PLPPR1: variants seen among roughly 807,000 people sequenced by gnomAD.
PLPPR1 encodes phospholipid phosphatase-related protein type 1.
PLPPR1 carries 10 observed loss-of-function variants against 33.1 expected under a neutral mutation model. The observed-to-expected ratio is 0.30, with a 90% CI of 0.19 to 0.51. The LOEUF is 0.51. PLPPR1 is among the 20% of genes least tolerant of loss of function. PLPPR1 has a pLI of 0.97. For missense variants in PLPPR1, 304 were observed against 408.1 expected, an observed-to-expected ratio of 0.74 and a Z score of 2.20; for synonymous variants, 151 against 151.0, an observed-to-expected ratio of 1.00 and a Z score of 0.00.
intron 1 of PLPPR1, among the ~76,000 whole-genome samples, chr9:101,164,461 C>T (rs930096960): frequency 2.6e-5 from 4 of 150,978 alleles, no homozygotes; most frequent in African/African-American, 7.3e-5. Flanking sequence ...CTCCCAGGTT[C>T]GGGTGATTCT....
At chr9:101,209,139 G>C (rs1826639784) in intron 2 of PLPPR1, among the ~76,000 whole-genome samples, 1 of 152,234 alleles carries the variant, frequency 6.6e-6, no homozygotes, top group Non-Finnish European at 1.5e-5. Context: ...GAATCAGAAA[G>C]TCTGTGGGGT....
At chr9:101,236,849 T>C (rs1588087939) in intron 2 of PLPPR1, among the ~76,000 whole-genome samples, 1 of 151,762 alleles carries the variant, frequency 6.6e-6, no homozygotes, top group Non-Finnish European at 1.5e-5. Flanking sequence ...TAGGACTTAA[T>C]TAAACTACAA....
At chr9:101,218,101 A>G (rs1196067612) in intron 2 of PLPPR1, among the ~76,000 whole-genome samples, 2 of 152,230 alleles carry the variant, frequency 1.3e-5, no homozygotes, top group Admixed American at 1.3e-4. Flanking sequence ...TAAATATCAT[A>G]TAACACAAGT....
At chr9:101,114,344 A>T (rs1018210279) in intron 1 of PLPPR1, among the ~76,000 whole-genome samples, 17 of 152,222 alleles carry the variant, frequency 1.1e-4, no homozygotes, top group Non-Finnish European at 1.5e-4. Flanking sequence ...TAAATGGTGT[A>T]TCAGGCAGGA....
chr9:101,278,996 A>G (rs1028476041), intron 3 of PLPPR1, among the ~76,000 whole-genome samples: 4 of 152,246 alleles, frequency 2.6e-5, no homozygotes, highest in Admixed American at 6.5e-5. Context: ...ACCTACTTCT[A>G]CAAATGTGTA....
intron 2 of PLPPR1, among the ~76,000 whole-genome samples, chr9:101,255,361 G>A (rs1179913314): frequency 6.6e-6 from 1 of 151,988 alleles, no homozygotes; most frequent in East Asian, 1.9e-4. Context: ...GGACACTATT[G>A]GATTGTTCCC....
intron 4 of PLPPR1, among the ~76,000 whole-genome samples, chr9:101,296,687 G>A (rs370207199): frequency 5.3e-5 from 8 of 152,014 alleles, no homozygotes; most frequent in African/African-American, 1.4e-4. Context: ...TCAGTAAACT[G>A]TCGCAAGAAC....
At chr9:101,238,407 G>T (rs1827378006) in intron 2 of PLPPR1, among the ~76,000 whole-genome samples, 1 of 147,422 alleles carries the variant, frequency 6.8e-6, no homozygotes, top group African/African-American at 2.5e-5. Flanking sequence ...AATTGTGTGT[G>T]TGTGTATATA....
chr9:101,101,422 G>C (rs1045287659), intron 1 of PLPPR1, among the ~76,000 whole-genome samples: 1 of 151,614 alleles, frequency 6.6e-6, no homozygotes, highest in Non-Finnish European at 1.5e-5. Flanking sequence ...CTTTGTTACT[G>C]TATGTCACCT....
At chr9:101,218,015 C>T (rs1423116960) in intron 2 of PLPPR1, among the ~76,000 whole-genome samples, 3 of 151,972 alleles carry the variant, frequency 2.0e-5, no homozygotes, top group Non-Finnish European at 4.4e-5. Flanking sequence ...GAATTTATCT[C>T]AAAAAATAAA....
chr9:101,319,821 A>T (rs1829121807), intron 7 of PLPPR1, among the ~76,000 whole-genome samples: 1 of 152,208 alleles, frequency 6.6e-6, no homozygotes, highest in Non-Finnish European at 1.5e-5. Flanking sequence ...TTTTAAAAAG[A>T]AACAGAAAAT....
chr9:101,128,071 A>C (rs1318093351), intron 1 of PLPPR1, among the ~76,000 whole-genome samples: 1 of 152,214 alleles, frequency 6.6e-6, no homozygotes, highest in African/African-American at 2.4e-5. Flanking sequence ...ACTGGGATCT[A>C]GAAAACATTA....
intron 1 of PLPPR1, among the ~76,000 whole-genome samples, chr9:101,034,632 T>G (rs981909289): frequency 6.6e-6 from 1 of 152,200 alleles, no homozygotes. Flanking sequence ...CTCCTGCTTT[T>G]AAGATGGATC....
chr9:101,254,234 C>G (rs1021042348), intron 2 of PLPPR1, among the ~76,000 whole-genome samples: 2 of 151,890 alleles, frequency 1.3e-5, no homozygotes, highest in Admixed American at 1.3e-4. Context: ...TCAGTGGGAG[C>G]TCTTAGCTTG....
chr9:101,137,311 G>C (rs1181823670), intron 1 of PLPPR1, among the ~76,000 whole-genome samples: 1 of 152,292 alleles, frequency 6.6e-6, no homozygotes, highest in East Asian at 1.9e-4. Flanking sequence ...CACTATGCTG[G>C]TTTTCACTGC....
intron 1 of PLPPR1, among the ~76,000 whole-genome samples, chr9:101,049,435 G>A (rs1398026524): frequency 6.6e-6 from 1 of 152,136 alleles, no homozygotes; most frequent in Non-Finnish European, 1.5e-5. Context: ...CTGGAAGAAT[G>A]TTCATTATCC....
intron 1 of PLPPR1, among the ~76,000 whole-genome samples, chr9:101,129,185 A>G (rs940934815): frequency 2.6e-5 from 4 of 152,016 alleles, no homozygotes; most frequent in African/African-American, 9.7e-5. Flanking sequence ...GGCCCAAGAG[A>G]TCCTTGTTTA....
At chr9:101,152,388 A>C (rs1245917065) in intron 1 of PLPPR1, among the ~76,000 whole-genome samples, 1 of 152,194 alleles carries the variant, frequency 6.6e-6, no homozygotes, top group Non-Finnish European at 1.5e-5. Context: ...GCTGTGCAGA[A>C]GCTCTTGAGT....
At chr9:101,085,428 G>A (rs1830664233) in intron 1 of PLPPR1, among the ~76,000 whole-genome samples, 1 of 152,192 alleles carries the variant, frequency 6.6e-6, no homozygotes, top group Non-Finnish European at 1.5e-5. Flanking sequence ...CAGTAAGGAA[G>A]ATGAAGGAGG....
Sources: allele counts gnomAD v4.1 joint callset (sites outside exome capture counted in the v4.1 genomes callset), GRCh38; gene constraint gnomAD v4.1.1; transcripts MANE v1.5; gene names NCBI Gene and HGNC (gene_info 2026-07-23, HGNC 2026-07-21).